PRDM10: variants seen among roughly 807,000 people sequenced by gnomAD.
The protein encoded by PRDM10 is PR/SET domain 10, also known as PR domain zinc finger protein 10.
PRDM10 carries 65 observed loss-of-function variants against 133.1 expected under a neutral mutation model. The ratio of observed to expected loss-of-function variants is 0.49; its 90% CI spans 0.40 to 0.60. The LOEUF (loss-of-function observed/expected upper bound fraction) is 0.60, where lower values mean the gene tolerates loss of function less well. Among genes scored for constraint, PRDM10 ranks in the 20% least tolerant of loss-of-function variants. The probability of loss-of-function intolerance (pLI) is 0.00; values close to 1 mark genes in which losing one functional copy is unlikely to be tolerated. For synonymous variants in PRDM10, 582 were observed against 580.4 expected, an observed-to-expected ratio of 1.00 and a Z score of -0.04; for missense variants, 1,137 against 1,507.1, an observed-to-expected ratio of 0.75 and a Z score of 4.07.
chr11:129,917,379 C>T, intron 14 of PRDM10, 142 bp from the exon 15 acceptor site: 1 of 628,450 alleles, frequency 1.6e-6, no homozygotes, highest in African/African-American at 1.8e-5. Flanking sequence ...TGGCCAGAAC[C>T]AGGATCACCA....
At chr11:129,957,626 G>T in intron 3 of PRDM10, 120 bp downstream of exon 3, 1 of 1,278,708 alleles carries the variant, frequency 7.8e-7, no homozygotes, top group Non-Finnish European at 1.1e-6. Flanking sequence ...TGAGAGCACA[G>T]ATCTTATCTG....
intron 4 of PRDM10, among the ~76,000 whole-genome samples, chr11:129,954,961 T>G (rs1269664087): frequency 6.6e-6 from 1 of 152,218 alleles, no homozygotes; most frequent in East Asian, 1.9e-4. Context: ...GCCCAGCTGC[T>G]TCCACACCTT....
intron 1 of PRDM10, among the ~76,000 whole-genome samples, chr11:129,965,618 G>C (rs1951890730): frequency 6.6e-6 from 1 of 152,088 alleles, no homozygotes; most frequent in Admixed American, 6.5e-5. Context: ...TCATTTCCAG[G>C]AAGAGAATGA....
chr11:130,000,186 G>A (rs1939273827), intron 1 of PRDM10, among the ~76,000 whole-genome samples: 2 of 151,856 alleles, frequency 1.3e-5, no homozygotes, highest in South Asian at 4.2e-4. Flanking sequence ...TGGGATTACA[G>A]GCGCCTGCCA....
At chr11:129,955,810 G>A (rs117353833) in intron 3 of PRDM10, among the ~76,000 whole-genome samples, 2,772 of 152,224 alleles carry the variant, frequency 0.018, 40 homozygotes, top group Non-Finnish European at 0.028. Flanking sequence ...AACATACTTC[G>A]CAATTTTACT....
chr11:129,960,719 G>C (rs1020786824), intron 2 of PRDM10, among the ~76,000 whole-genome samples, 177 bp downstream of exon 2: 1 of 152,140 alleles, frequency 6.6e-6, no homozygotes, highest in East Asian at 1.9e-4. Context: ...CTCACGGTGA[G>C]CCACATCGAT....
At chr11:129,931,534 G>T (rs1158162950) in intron 10 of PRDM10, among the ~76,000 whole-genome samples, 3 of 151,560 alleles carry the variant, frequency 2.0e-5, no homozygotes, top group African/African-American at 4.8e-5. Context: ...ACTAACTCTG[G>T]TCAATTTTAT....
In PRDM10 at chr11:129,923,641, C is replaced by CGGGA. The variant is rs1950580581; in HGVS notation, c.1879-239_1879-238insTCCC. Among the ~76,000 whole-genome samples the CGGGA allele has an allele frequency of 2.3e-5, 1 of 44,252 alleles. No individual in the cohort carries two copies. The highest frequency in any genetic ancestry group is 1.2e-4 in the African/African-American group (1 of 8,106). The allele number at this position is 44,252 out of a possible 152,430, so 29.0% of individuals were successfully genotyped here. ...TCCGAACCTCCCCGATGACTTGAAA[C>CGGGA]GTGAGAGAGAGAGAGAGAGAGAGAG... On this transcript the variant is annotated intron_variant, in intron 12 of 20. Coordinates refer to ENST00000360871, the MANE Select transcript of PRDM10 (RefSeq NM_199437.2). This position sits in a 1 kb window ranked among gnomAD's most constrained non-coding sequence, Gnocchi z 4.4.
At chr11:130,000,196 A>C (rs949129916) in intron 1 of PRDM10, among the ~76,000 whole-genome samples, 1 of 152,014 alleles carries the variant, frequency 6.6e-6, no homozygotes, top group Non-Finnish European at 1.5e-5. Context: ...GGCGCCTGCC[A>C]TCATGTCCGT....
chr11:129,952,358 C>G (rs1951602548), intron 4 of PRDM10, among the ~76,000 whole-genome samples: 1 of 152,128 alleles, frequency 6.6e-6, no homozygotes, highest in South Asian at 2.1e-4. Flanking sequence ...CCCTTGTATA[C>G]TATACTGTTG....
intron 1 of PRDM10, among the ~76,000 whole-genome samples, chr11:129,965,671 C>T (rs1340560508): frequency 6.6e-6 from 1 of 151,848 alleles, no homozygotes; most frequent in Non-Finnish European, 1.5e-5. Flanking sequence ...TGACTTTATT[C>T]AACAAGTATT....
Position 129,935,225 on chromosome 11 carries a change from T to G in PRDM10, c.1040-7A>C, listed in dbSNP as rs561666101. The G allele has an allele frequency of 1.3e-5, 21 of 1,605,368 alleles. No homozygotes were observed. In the South Asian group the frequency reaches 1.9e-4, roughly 14 times the overall value. On this transcript the variant is annotated splice_region_variant and splice_polypyrimidine_tract_variant and intron_variant, in intron 8 of 20. Transcript: ENST00000360871. ...TTCTCTTGCTCTCGAAGAACTACAGTCACAGGAGAGAAATCATAAAGGCTG... is the reference window on the plus strand; with the variant it reads ...TTCTCTTGCTCTCGAAGAACTACAGGCACAGGAGAGAAATCATAAAGGCTG...
intron 1 of PRDM10, among the ~76,000 whole-genome samples, 186 bp from the exon 2 acceptor site, chr11:129,961,268 A>G (rs990691552): frequency 6.6e-6 from 1 of 152,110 alleles, no homozygotes; most frequent in African/African-American, 2.4e-5. Flanking sequence ...TCACACCTGT[A>G]ATCGCAGCTC....
At chr11:129,914,103 G>T (rs1950276887) in intron 17 of PRDM10, among the ~76,000 whole-genome samples, 1 of 152,134 alleles carries the variant, frequency 6.6e-6, no homozygotes, top group Non-Finnish European at 1.5e-5. Flanking sequence ...CCAGGTTCAA[G>T]CAATTCTCCT....
intron 1 of PRDM10, among the ~76,000 whole-genome samples, chr11:129,998,909 A>G (rs901294030): frequency 6.7e-6 from 1 of 148,160 alleles, no homozygotes; most frequent in Non-Finnish European, 1.5e-5. Context: ...TGCAGCCGCT[A>G]CTTCCGGGGC....
intron 19 of PRDM10, among the ~76,000 whole-genome samples, chr11:129,909,816 C>T (rs367722196): frequency 9.2e-5 from 14 of 152,274 alleles, no homozygotes; most frequent in Middle Eastern, 3.4e-3. Flanking sequence ...TTGGAATCAA[C>T]GACTCTTCTA....
chr11:129,937,859 G>A (rs1464552562), intron 7 of PRDM10, among the ~76,000 whole-genome samples, 189 bp from the exon 8 acceptor site: 1 of 152,200 alleles, frequency 6.6e-6, no homozygotes, highest in Non-Finnish European at 1.5e-5. Context: ...AAGTTCATTT[G>A]CCAAGACGCA....
chr11:129,950,145 G>T (rs576766636), intron 4 of PRDM10, among the ~76,000 whole-genome samples: 269 of 151,618 alleles, frequency 1.8e-3, no homozygotes, highest in Admixed American at 3.1e-3. Context: ...ACTGACATGG[G>T]AGAATCATTT....
At position 129,960,914 on chromosome 11, in the gene PRDM10, A is replaced by G. The variant is rs112942576; in HGVS notation, c.51T>C (p.His17=). 4.3e-6 allele frequency: 7 copies of G among 1,614,010 alleles called. No individual in the cohort carries two copies. ...TCTTCACCTGTGCGGCATTCTGTTC[A>G]TGCTCTGCAGATGTCGGCCACACAT... ...SSHVWPTSAE[H]EQNAAQVHFV... The change falls in exon 2 of 21, where the codon CAT becomes CAC. Residue 17 remains histidine (H), a synonymous_variant. Transcript: ENST00000360871.
Sources: gnomAD v4.1 joint callset for allele counts (sites outside exome capture counted in the v4.1 genomes callset) on GRCh38, gnomAD v4.1.1 for gene constraint, Gnocchi (gnomAD v3.1) non-coding constraint, MANE v1.5 for transcripts, NCBI Gene and HGNC (gene_info 2026-07-23, HGNC 2026-07-21) for gene names.